COL5A1: variants seen among roughly 807,000 people sequenced by gnomAD.
The protein encoded by COL5A1 is collagen alpha-1(V) chain.
In COL5A1, 16 loss-of-function variants were observed where a neutral mutation model predicts 263.7. That is an observed-to-expected ratio of 0.06 (90% CI 0.04 to 0.09). COL5A1 has a LOEUF of 0.09. Among genes scored for constraint, COL5A1 ranks in the 10% least tolerant of loss-of-function variants. COL5A1 has a pLI of 1.00. For missense variants in COL5A1, 2,036 were observed against 2,540.5 expected, an observed-to-expected ratio of 0.80 and a Z score of 4.27; for synonymous variants, 1,012 against 1,004.5, an observed-to-expected ratio of 1.01 and a Z score of -0.14.
chr9:134,825,962 G>A, intron 63 of COL5A1, 58 bp downstream of exon 63: 1 of 1,117,186 alleles, frequency 9.0e-7, no homozygotes, highest in Non-Finnish European at 1.4e-6. Flanking sequence ...ACAGGGCCAT[G>A]CCGAGGGCTT....
chr9:134,835,413 C>T (rs1839818404), intron 65 of COL5A1, among the ~76,000 whole-genome samples: 1 of 152,218 alleles, frequency 6.6e-6, no homozygotes, highest in Non-Finnish European at 1.5e-5. Flanking sequence ...TGGGAGAGTT[C>T]TGTGGGTTAG....
chr9:134,750,072 C>T (rs1225813480), intron 11 of COL5A1, among the ~76,000 whole-genome samples: 1 of 152,220 alleles, frequency 6.6e-6, no homozygotes, highest in South Asian at 2.1e-4. Context: ...TCCATCTGAG[C>T]AGGCACAGGC....
rs1276749233 is a variant in COL5A1 at position 134,642,659 on chromosome 9, C to T, written c.109+363C>T. 1.3e-5 allele frequency among the ~76,000 whole-genome samples: 2 copies of T among 152,198 alleles called. No homozygotes were observed. The highest frequency in any genetic ancestry group is 2.4e-5 in the African/African-American group (1 of 41,462). ...GGCGCCCAGCTTGGGCCCTCACAGC[C>T]CTACAGCAGAACTTCCTCTGCTCCA... On this transcript the variant is annotated intron_variant, in intron 1 of 65. Coordinates refer to ENST00000371817, the MANE Select transcript of COL5A1 (RefSeq NM_000093.5). The surrounding 1 kb of genome is among the most constrained non-coding windows in gnomAD (Gnocchi z 4.5).
At chr9:134,822,173 G>A in intron 59 of COL5A1, 23 bp downstream of exon 59, 2 of 1,418,314 alleles carry the variant, frequency 1.4e-6, no homozygotes, top group South Asian at 2.3e-5. Flanking sequence ...GAGGGGCTTG[G>A]TCATTCCTGG....
At chr9:134,825,073 A>G (rs963068943) in intron 62 of COL5A1, among the ~76,000 whole-genome samples, 2 of 152,230 alleles carry the variant, frequency 1.3e-5, no homozygotes, top group African/African-American at 4.8e-5. Context: ...CAAGGCTTTG[A>G]GGTCAGACTC....
chr9:134,713,489 T>TTTG (rs1834140610), intron 4 of COL5A1, among the ~76,000 whole-genome samples: 1 of 152,232 alleles, frequency 6.6e-6, no homozygotes, highest in South Asian at 2.1e-4. Context: ...CACCTTACTC[T>TTTG]ATTGGTTGAC....
intron 2 of COL5A1, 93 bp downstream of exon 2, chr9:134,691,172 A>G (rs1415719676): frequency 1.3e-6 from 2 of 1,511,054 alleles, no homozygotes; most frequent in Non-Finnish European, 1.8e-6. Context: ...TGGTGGCAGA[A>G]GCGGGCTCAG....
intron 4 of COL5A1, among the ~76,000 whole-genome samples, chr9:134,710,416 C>T (rs950496071): frequency 2.6e-5 from 4 of 152,350 alleles, no homozygotes; most frequent in Admixed American, 2.6e-4. Flanking sequence ...GAGCCAGGAC[C>T]TAAGCCTGCT....
At chr9:134,760,097 C>T (rs1836268754) in intron 18 of COL5A1, among the ~76,000 whole-genome samples, 2 of 136,164 alleles carry the variant, frequency 1.5e-5, no homozygotes, top group Non-Finnish European at 3.2e-5. Context: ...CACGCCCACA[C>T]ACCCCCACAC....
At chr9:134,802,252 G>A (rs1838142366) in intron 38 of COL5A1, among the ~76,000 whole-genome samples, 1 of 152,266 alleles carries the variant, frequency 6.6e-6, no homozygotes, top group African/African-American at 2.4e-5. Flanking sequence ...GGCTCACAGG[G>A]TGGCTGGGGC....
At chr9:134,795,338 G>A (rs1218306725) in intron 34 of COL5A1, 23 bp downstream of exon 34, 8 of 1,612,452 alleles carry the variant, frequency 5.0e-6, no homozygotes, top group Admixed American at 3.3e-5. Context: ...CCTCCTGGGC[G>A]GTGGGCGGCG....
intron 63 of COL5A1, 123 bp from the exon 64 acceptor site, chr9:134,829,853 G>T: frequency 9.2e-7 from 1 of 1,087,986 alleles, no homozygotes; most frequent in Non-Finnish European, 1.4e-6. Flanking sequence ...CCTCCCTGCA[G>T]CCCCCCCGGC....
rs1564453731 is a variant in COL5A1 at position 134,779,965 on chromosome 9, G to A, written c.2386-137G>A. 3.3e-6 allele frequency: 3 copies of A among 911,156 alleles called. No individual in the cohort carries two copies. In the East Asian group the frequency reaches 7.2e-5, roughly 22 times the overall value. 56.4% of individuals were successfully genotyped at this position (911,156 alleles called of 1,614,324 possible). The stretch of plus-strand genomic sequence containing the variant: ...TGAGGCCACAGGGGGACATATGGGA[G>A]GAAGTGTGTTGAGGGCAGGGCGCTG... On this transcript the variant is annotated intron_variant, in intron 27 of 65. Coordinates refer to ENST00000371817, the MANE Select transcript of COL5A1 (RefSeq NM_000093.5).
intron 25 of COL5A1, among the ~76,000 whole-genome samples, chr9:134,768,898 A>G (rs1836775905): frequency 6.6e-6 from 1 of 152,162 alleles, no homozygotes; most frequent in Non-Finnish European, 1.5e-5. Flanking sequence ...GTGTGCGCGC[A>G]CAGCTGTGGA....
Position 134,835,084 on chromosome 9 carries a change from G to A in COL5A1, c.5250G>A (p.Val1750=), listed in dbSNP as rs200348547. 7.7e-5 allele frequency: 125 copies of A among 1,613,522 alleles called. No individual in the cohort carries two copies. Among genetic ancestry groups the A allele is most frequent in the Non-Finnish European group, 1.0e-4 (118 of 1,180,030 alleles). Residue 1750 remains valine, a synonymous_variant, in exon 65 of 66, where the codon GTG becomes GTA. Coordinates refer to ENST00000371817, the MANE Select transcript of COL5A1 (RefSeq NM_000093.5). ...TCACCTACCACTGCTACCAGTCAGT[G>A]GCCTGGCAGGACGCAGCCACGGGCA... The part of the protein sequence containing the change: ...QNVTYHCYQS[V]AWQDAATGSY...
At position 134,645,206 on chromosome 9, in the gene COL5A1, G is replaced by A. The variant is rs1474391076; in HGVS notation, c.109+2910G>A. The stretch of plus-strand genomic sequence containing the variant: ...TGTTACTCCTGGGCTGCTCCTGCGG[G>A]GCTGGCCAGAGCCTGCTCTTCACCC... On this transcript the variant is annotated intron_variant, in intron 1 of 65. Transcript: ENST00000371817. 2.0e-5 allele frequency among the ~76,000 whole-genome samples: 3 copies of A among 152,222 alleles called. 1 individual carries two copies. Among genetic ancestry groups the A allele is most frequent in the East Asian group, 1.9e-4 (1 of 5,198 alleles).
rs1035465850 is a variant in COL5A1, at chr9:134,757,169, C to T, written c.1881+351C>T. Among the ~76,000 whole-genome samples, 8 of 152,034 alleles carry T rather than the reference C, an allele frequency of 5.3e-5. No individual in the cohort carries two copies. The highest frequency in any genetic ancestry group is 2.0e-4 in the Admixed American group (3 of 15,272). On this transcript the variant is annotated intron_variant, in intron 17 of 65. Transcript: ENST00000371817. The surrounding 1 kb of genome is among the most constrained non-coding windows in gnomAD (Gnocchi z 6.2). ...CGGGGGCCAGGGGGTCTTGTCCAGT[C>T]GGGACTCCTGGGTGTTGTGGAGGTG...
In COL5A1 at chr9:134,668,568, A is replaced by G. The variant is rs568340266; in HGVS notation, c.110-22344A>G. On this transcript the variant is annotated intron_variant, in intron 1 of 65. Coordinates refer to ENST00000371817, the MANE Select transcript of COL5A1 (RefSeq NM_000093.5). ...CACCCATTCATCCATCAATGCATCCATCCATCCATCTATCTACTTGTCCAT... is the reference window on the plus strand; with the variant it reads ...CACCCATTCATCCATCAATGCATCCGTCCATCCATCTATCTACTTGTCCAT... Among the ~76,000 whole-genome samples, 550 of 142,590 alleles carry G rather than the reference A, an allele frequency of 3.9e-3. 2 individuals are homozygous for G. The highest frequency in any genetic ancestry group is 5.8e-3 in the Non-Finnish European group (386 of 66,566). The allele number at this position is 142,590 out of a possible 152,430, so 93.5% of individuals were successfully genotyped here. A position where few individuals can be genotyped will look rare whatever the true frequency, so the allele number is the denominator to read the frequency against.
In COL5A1 at chr9:134,654,288, G is replaced by C. The variant is rs1425715861; in HGVS notation, c.109+11992G>C. Among the ~76,000 whole-genome samples, 2 of 137,936 alleles carry C rather than the reference G, an allele frequency of 1.4e-5. 1 individual carries two copies. The highest frequency in any genetic ancestry group is 3.1e-5 in the Non-Finnish European group (2 of 63,776). The allele number at this position is 137,936 out of a possible 152,430, so 90.5% of individuals were successfully genotyped here. On this transcript the variant is annotated intron_variant, in intron 1 of 65. Coordinates refer to ENST00000371817, the MANE Select transcript of COL5A1 (RefSeq NM_000093.5). ...AGGTGTGTAGGGCTGGAGGTGTGTA[G>C]AGCTGGTGTGTATAGGGCTGGAGGA...
Sources: gnomAD v4.1 joint callset for allele counts (sites outside exome capture counted in the v4.1 genomes callset) on GRCh38, gnomAD v4.1.1 for gene constraint, Gnocchi (gnomAD v3.1) non-coding constraint, MANE v1.5 for transcripts, NCBI Gene and HGNC (gene_info 2026-07-23, HGNC 2026-07-21) for gene names.